The following KLRG1 variants were observed in gnomAD, a reference collection of about 807,000 sequenced individuals.
KLRG1 encodes the protein killer cell lectin-like receptor subfamily G member 1.
Under a neutral mutation model 21.8 loss-of-function variants are expected in KLRG1, and 16 were observed. The ratio of observed to expected loss-of-function variants is 0.73; its 90% confidence interval spans 0.50 to 1.11. The LOEUF (loss-of-function observed/expected upper bound fraction) is 1.11. Among genes scored for constraint, KLRG1 ranks in the 50% most tolerant of loss-of-function variants. The pLI is 0.00. For synonymous variants in KLRG1, 69 were observed against 75.9 expected (o/e 0.91, Z 0.47); for missense variants, 173 against 218.3 (o/e 0.79, Z 1.31).
the KLRG1 span, among the ~76,000 whole-genome samples, chr12:9,063,661 C>G: frequency 6.6e-6 from 1 of 152,102 alleles, no homozygotes; most frequent in African/African-American, 2.4e-5. Flanking sequence ...TGTAATACCC[C>G]AAAACTTGAG....
the KLRG1 span, among the ~76,000 whole-genome samples, chr12:9,207,377 G>C: frequency 2.6e-4 from 39 of 152,342 alleles, no homozygotes; most frequent in African/African-American, 8.4e-4. Flanking sequence ...TGGAAGAAAT[G>C]TAAAGGCAGC....
At chr12:9,121,466 G>T in the KLRG1 span, among the ~76,000 whole-genome samples, 1 of 152,224 alleles carries the variant, frequency 6.6e-6, no homozygotes, top group South Asian at 2.1e-4. The surrounding 1 kb of genome is among the most constrained non-coding windows in gnomAD (Gnocchi z 4.4). Context: ...GCTTAAACCC[G>T]GGAGGCAGAG....
the KLRG1 span, chr12:9,154,861 A>G: frequency 2.1e-5 from 33 of 1,592,840 alleles, no homozygotes; most frequent in Non-Finnish European, 2.5e-5. Context: ...GAAAAAGGAG[A>G]TAATTGTAAC....
chr12:9,083,088 C>T, the KLRG1 span, among the ~76,000 whole-genome samples: 2 of 152,122 alleles, frequency 1.3e-5, no homozygotes, highest in Admixed American at 1.3e-4. Flanking sequence ...CTGTTGTTTC[C>T]TGGGACATGG....
chr12:9,028,283 CTGGGATTACAGGCG>C, the KLRG1 span: 4 of 471,318 alleles, frequency 8.5e-6, no homozygotes, highest in Non-Finnish European at 1.5e-5. Context: ...TCCCAAGTAG[CTGGGATTACAGGCG>C]TGTGCCACCA....
the KLRG1 span, chr12:9,181,976 T>G: frequency 1.9e-6 from 3 of 1,613,270 alleles, no homozygotes; most frequent in African/African-American, 4.0e-5. Context: ...ATCGCTCACC[T>G]TGTTGGCTAG....
At chr12:9,152,473 A>G in the KLRG1 span, among the ~76,000 whole-genome samples, 1 of 152,180 alleles carries the variant, frequency 6.6e-6, no homozygotes, top group Non-Finnish European at 1.5e-5. Context: ...CATTGGACAC[A>G]TGCATATACA....
chr12:9,152,151 G>T, the KLRG1 span: 5 of 1,127,264 alleles, frequency 4.4e-6, no homozygotes, highest in Non-Finnish European at 6.8e-6. Flanking sequence ...TTTGATATTG[G>T]TATGGTCTTA....
At chr12:9,206,513 T>C in the KLRG1 span, among the ~76,000 whole-genome samples, 1 of 152,252 alleles carries the variant, frequency 6.6e-6, no homozygotes, top group Non-Finnish European at 1.5e-5. Context: ...AATATTTGCC[T>C]CTTTAGCAGG....
intron 3 of KLRG1, among the ~76,000 whole-genome samples, chr12:8,997,807 A>G (rs988222170): frequency 6.6e-6 from 1 of 150,960 alleles, no homozygotes; most frequent in Non-Finnish European, 1.5e-5. Flanking sequence ...TCTTTTTGAG[A>G]TGGAGTTTTG....
chr12:9,067,804 C>T, the KLRG1 span: 1 of 1,612,504 alleles, frequency 6.2e-7, no homozygotes, highest in Non-Finnish European at 8.5e-7. Flanking sequence ...CAGCAAAGCA[C>T]TTTTCAGCCT....
At chr12:9,109,239 C>T in the KLRG1 span, 13 of 1,145,082 alleles carry the variant, frequency 1.1e-5, no homozygotes, top group African/African-American at 4.6e-5. Context: ...CCACTGCTCC[C>T]GGAGAGAGTA....
At chr12:9,141,391 C>T in the KLRG1 span, among the ~76,000 whole-genome samples, 5 of 152,258 alleles carry the variant, frequency 3.3e-5, no homozygotes, top group South Asian at 8.3e-4. Context: ...TACATTTACC[C>T]GATTTTAATG....
At chr12:9,025,595 C>T in the KLRG1 span, among the ~76,000 whole-genome samples, 105 of 152,236 alleles carry the variant, frequency 6.9e-4, no homozygotes, top group African/African-American at 2.2e-3. Context: ...CGAGATCGTG[C>T]GACTGCACTC....
intron 1 of KLRG1, 62 bp downstream of exon 1, chr12:8,989,779 G>A (rs1946914004): frequency 2.2e-6 from 2 of 891,380 alleles, no homozygotes; most frequent in Non-Finnish European, 3.7e-6. Context: ...GGATGAATGG[G>A]GAGTAGAATA....
the KLRG1 span, among the ~76,000 whole-genome samples, chr12:9,081,659 T>C: frequency 6.6e-6 from 1 of 152,208 alleles, no homozygotes; most frequent in Non-Finnish European, 1.5e-5. Context: ...CTCCTTTAGG[T>C]TAGCACAATG....
the KLRG1 span, chr12:9,203,907 G>A: frequency 6.2e-7 from 1 of 1,613,976 alleles, no homozygotes; most frequent in African/African-American, 1.3e-5. Flanking sequence ...GCCCTTCTTA[G>A]GGGCCTCAGT....
intron 1 of KLRG1, among the ~76,000 whole-genome samples, chr12:8,972,019 A>G (rs899373410): frequency 2.6e-5 from 4 of 152,066 alleles, no homozygotes; most frequent in African/African-American, 7.3e-5. Flanking sequence ...ATGAAATACC[A>G]TTTGTCTATT....
the KLRG1 span, among the ~76,000 whole-genome samples, chr12:9,197,282 T>C: frequency 6.6e-6 from 1 of 150,572 alleles, no homozygotes; most frequent in East Asian, 1.9e-4. Flanking sequence ...CCCTCAAAAA[T>C]ATTAGCCATT....
Sources: allele counts gnomAD v4.1 joint callset (sites outside exome capture counted in the v4.1 genomes callset), GRCh38; gene constraint gnomAD v4.1.1; non-coding constraint Gnocchi (gnomAD v3.1); transcripts MANE v1.5; gene names NCBI Gene and HGNC (gene_info 2026-07-23, HGNC 2026-07-21).